CNTN6: variants seen among roughly 807,000 people sequenced by gnomAD.
CNTN6 encodes the protein contactin-6.
A neutral mutation model predicts 122.8 loss-of-function variants in CNTN6; 137 were observed. The observed-to-expected ratio is 1.12, with a 90% CI of 0.97 to 1.29. The LOEUF (loss-of-function observed/expected upper bound fraction) is 1.29. Among genes scored for constraint, CNTN6 ranks in the 50% most tolerant of loss-of-function variants. The pLI, the probability that CNTN6 is intolerant of heterozygous loss-of-function variation, is 0.00. For missense variants in CNTN6, 1,634 were observed against 1,223.4 expected (o/e 1.34, Z -5.01); for synonymous variants, 570 against 426.0 (o/e 1.34, Z -4.16).
chr3:1,323,760 TCTAAAA>T (rs1410435570), intron 8 of CNTN6, among the ~76,000 whole-genome samples: 1 of 151,568 alleles, frequency 6.6e-6, no homozygotes, highest in Non-Finnish European at 1.5e-5. Context: ...CAGAAAAAAA[TCTAAAA>T]CTCAAACCTG....
intron 7 of CNTN6, among the ~76,000 whole-genome samples, chr3:1,313,920 G>C (rs535100865): frequency 2.0e-5 from 3 of 152,032 alleles, no homozygotes; most frequent in African/African-American, 7.2e-5. Flanking sequence ...AGCTCCCTCC[G>C]ATCTATTTTA....
chr3:1,301,924 ATT>A (rs1361654069), intron 7 of CNTN6, among the ~76,000 whole-genome samples: 2 of 152,222 alleles, frequency 1.3e-5, no homozygotes, highest in African/African-American at 4.8e-5. Flanking sequence ...AACAAATTAA[ATT>A]ATCTTTGACA....
chr3:1,095,017 C>A (rs1269839443), intron 1 of CNTN6, among the ~76,000 whole-genome samples: 7 of 152,014 alleles, frequency 4.6e-5, no homozygotes, highest in Non-Finnish European at 1.0e-4. Flanking sequence ...TCATTGGAGA[C>A]ATACTGGTGC....
intron 2 of CNTN6, among the ~76,000 whole-genome samples, chr3:1,159,068 A>T (rs11919074): frequency 0.17 from 24,546 of 148,568 alleles, 2,459 homozygotes; most frequent in East Asian, 0.29. Context: ...CAAATTTATG[A>T]AACAGTTAAC....
At chr3:1,190,700 C>T (rs367904622) in intron 2 of CNTN6, among the ~76,000 whole-genome samples, 19 of 152,240 alleles carry the variant, frequency 1.2e-4, no homozygotes, top group African/African-American at 4.1e-4. Flanking sequence ...CAGAGAACAG[C>T]GGTGAGGGAG....
intron 6 of CNTN6, among the ~76,000 whole-genome samples, chr3:1,296,195 C>T (rs548922576): frequency 1.6e-4 from 25 of 152,194 alleles, no homozygotes; most frequent in African/African-American, 5.1e-4. Context: ...TTAATGGCCC[C>T]TTTTTTCCAT....
intron 21 of CNTN6, 58 bp downstream of exon 21, chr3:1,401,603 G>A (rs1695718467): frequency 1.7e-6 from 2 of 1,186,592 alleles, no homozygotes; most frequent in East Asian, 2.5e-5. Context: ...AATGAAACAT[G>A]TGACACCCAA....
intron 4 of CNTN6, among the ~76,000 whole-genome samples, chr3:1,265,012 T>TTCA (rs1325044101): frequency 6.6e-6 from 1 of 151,428 alleles, no homozygotes; most frequent in Non-Finnish European, 1.5e-5. Context: ...GTCCTCCAGG[T>TTCA]TCATCCATGT....
At chr3:1,114,823 T>C (rs1055387729) in intron 1 of CNTN6, among the ~76,000 whole-genome samples, 8 of 152,056 alleles carry the variant, frequency 5.3e-5, no homozygotes, top group Non-Finnish European at 1.2e-4. Flanking sequence ...CAATGAAACA[T>C]AGGAGAAAAA....
intron 11 of CNTN6, among the ~76,000 whole-genome samples, chr3:1,338,417 C>T (rs1441390659): frequency 6.6e-6 from 1 of 152,142 alleles, no homozygotes; most frequent in Non-Finnish European, 1.5e-5. Flanking sequence ...TTCACTCCCT[C>T]TGCCTTCAAG....
intron 20 of CNTN6, chr3:1,394,203 C>T: frequency 4.3e-6 from 1 of 232,216 alleles, no homozygotes; most frequent in South Asian, 4.8e-5. Context: ...CTCCGTCTGC[C>T]TCATCTCCGG....
chr3:1,251,320 C>G (rs772974050), intron 4 of CNTN6, among the ~76,000 whole-genome samples: 1 of 152,200 alleles, frequency 6.6e-6, no homozygotes, highest in Non-Finnish European at 1.5e-5. Context: ...CTGACTCACT[C>G]TCTCCAGTCC....
Position 1,383,317 on chromosome 3 carries a change from C to T in CNTN6, c.2426C>T (p.Thr809Ile). The T allele has an allele frequency of 6.2e-7, 1 of 1,614,014 alleles. No homozygotes were observed. The highest frequency in any genetic ancestry group is 1.1e-5 in the South Asian group (1 of 91,082). Residue 809 changes from threonine to isoleucine, a missense_variant, in exon 19 of 23, where the codon ACT becomes ATT. By Grantham distance (89) the Thr-to-Ile change is moderately conservative. Transcript: ENST00000446702. ...EDEPQLAPRG[T>I]SLQSFSASEM... ...GAACCTCAACTGGCCCCAAGGGGAA[C>T]TTCTCTCCAGAGTTTTTCTGCTTCT...
chr3:1,280,563 C>A lies in CNTN6; in HGVS notation c.454+2055C>A, dbSNP rs528309476. On this transcript the variant is annotated intron_variant, in intron 5 of 22. Transcript: ENST00000446702. ...CACTGCAACCTCTGCCTCCTGGGTT[C>A]AAGCGATTCTCCTACCTCAGCCTAC... Among the ~76,000 whole-genome samples the A allele has an allele frequency of 3.4e-5, 5 of 145,346 alleles. No homozygotes were observed. In the South Asian group the frequency reaches 6.6e-4, roughly 19 times the overall value.
intron 2 of CNTN6, among the ~76,000 whole-genome samples, chr3:1,213,401 A>C (rs1389359024): frequency 3.3e-5 from 5 of 152,112 alleles, no homozygotes; most frequent in African/African-American, 7.2e-5. Context: ...AAAGTCATTC[A>C]TATTCCCACC....
intron 19 of CNTN6, 116 bp from the exon 20 acceptor site, chr3:1,385,495 C>A (rs73817016): frequency 1.4e-6 from 1 of 698,354 alleles, no homozygotes; most frequent in Non-Finnish European, 2.3e-6. Flanking sequence ...TTTTTGTCAT[C>A]TATACTTCTG....
intron 9 of CNTN6, 135 bp downstream of exon 9, chr3:1,326,086 G>A: frequency 1.5e-6 from 1 of 663,462 alleles, no homozygotes; most frequent in Non-Finnish European, 2.4e-6. Flanking sequence ...TGCATACACT[G>A]ATTTATTTAA....
At chr3:1,103,717 T>C (rs192917767) in intron 1 of CNTN6, among the ~76,000 whole-genome samples, 83 of 152,324 alleles carry the variant, frequency 5.4e-4, no homozygotes, top group African/African-American at 1.9e-3. Flanking sequence ...CAATTGCTTT[T>C]ACCATTAGGG....
intron 2 of CNTN6, among the ~76,000 whole-genome samples, chr3:1,158,969 C>CACACACAT (rs1553610778): frequency 8.9e-6 from 1 of 112,968 alleles, no homozygotes; most frequent in South Asian, 2.5e-4. Flanking sequence ...CACACACACA[C>CACACACAT]ATATATATAT....
Sources: gnomAD v4.1 joint callset for allele counts (sites outside exome capture counted in the v4.1 genomes callset) on GRCh38, gnomAD v4.1.1 for gene constraint, MANE v1.5 for transcripts, NCBI Gene and HGNC (gene_info 2026-07-23, HGNC 2026-07-21) for gene names.